PDK1: variants seen among roughly 807,000 people sequenced by gnomAD.
PDK1 encodes the protein pyruvate dehydrogenase kinase 1.
Under a neutral mutation model 54.2 loss-of-function variants are expected in PDK1, and 39 were observed. That is an observed-to-expected ratio of 0.72 (90% CI 0.56 to 0.94). The LOEUF (loss-of-function observed/expected upper bound fraction) is 0.94. Ranked by LOEUF, PDK1 falls within the 40% of genes least tolerant of loss-of-function variation. The pLI is 0.00. For synonymous variants in PDK1, 221 were observed against 207.1 expected (o/e 1.07, Z -0.58); for missense variants, 552 against 566.0 (o/e 0.98, Z 0.25).
intron 2 of PDK1, among the ~76,000 whole-genome samples, chr2:172,559,841 T>A (rs1688560065): frequency 6.6e-6 from 1 of 151,830 alleles, no homozygotes; most frequent in African/African-American, 2.4e-5. Flanking sequence ...GAGCCACCAC[T>A]CCTGGCCTAC....
chr2:172,643,856 C>T, the PDK1 span, among the ~76,000 whole-genome samples: 2 of 152,144 alleles, frequency 1.3e-5, no homozygotes, highest in African/African-American at 4.8e-5. Flanking sequence ...TTTGATTTAA[C>T]AGTTTAATAG....
the PDK1 span, among the ~76,000 whole-genome samples, chr2:172,678,646 T>G: frequency 2.0e-5 from 3 of 152,234 alleles, no homozygotes; most frequent in South Asian, 6.2e-4. Flanking sequence ...GAATACTTAC[T>G]TCCTATACTA....
the PDK1 span, among the ~76,000 whole-genome samples, chr2:172,646,735 C>CTTTTTTTTTTTTTTTT: frequency 7.0e-3 from 507 of 72,002 alleles, 76 homozygotes; most frequent in African/African-American, 0.01. Context: ...CTTGCATTTC[C>CTTTTTTTTTTTTTTTT]TTTTTTTTTT....
chr2:172,568,625 C>A, intron 6 of PDK1, 116 bp from the exon 7 acceptor site: 1 of 672,326 alleles, frequency 1.5e-6, no homozygotes, highest in African/African-American at 1.8e-5. Flanking sequence ...AGTTCTCCCC[C>A]AGGTAATACT....
At chr2:172,633,996 C>A in the PDK1 span, among the ~76,000 whole-genome samples, 1 of 144,564 alleles carries the variant, frequency 6.9e-6, no homozygotes, top group Non-Finnish European at 1.5e-5. Context: ...TTGCTTCAGT[C>A]TCCCAAGTAG....
chr2:172,592,846 C>A, intron 9 of PDK1, 89 bp from the exon 10 acceptor site: 1 of 673,766 alleles, frequency 1.5e-6, no homozygotes. Context: ...CTCTGATAGC[C>A]CCGTGGTACT....
the PDK1 span, among the ~76,000 whole-genome samples, chr2:172,654,381 A>C: frequency 4.6e-5 from 7 of 152,232 alleles, no homozygotes; most frequent in African/African-American, 1.7e-4. Flanking sequence ...AATGTCCATC[A>C]GTGATAGACT....
the PDK1 span, among the ~76,000 whole-genome samples, chr2:172,618,476 T>C: frequency 6.6e-6 from 1 of 152,204 alleles, no homozygotes; most frequent in Non-Finnish European, 1.5e-5. Context: ...ATAATCATCA[T>C]CTGGTAGGAA....
intron 9 of PDK1, among the ~76,000 whole-genome samples, chr2:172,587,632 A>G (rs1172377894): frequency 6.6e-6 from 1 of 151,056 alleles, no homozygotes; most frequent in African/African-American, 2.4e-5. Context: ...TACAGCCTGG[A>G]AGGGTACCAG....
intron 9 of PDK1, 86 bp from the exon 10 acceptor site, chr2:172,592,849 G>T (rs543084854): frequency 1.9e-5 from 13 of 693,416 alleles, no homozygotes; most frequent in Admixed American, 1.4e-4. Flanking sequence ...TGATAGCCCC[G>T]TGGTACTCAA....
chr2:172,626,655 G>A, the PDK1 span, among the ~76,000 whole-genome samples: 145 of 152,116 alleles, frequency 9.5e-4, 1 homozygote, highest in African/African-American at 3.2e-3. Context: ...TTAGCCCAGT[G>A]TGGTAGTGCA....
intron 8 of PDK1, 103 bp from the exon 9 acceptor site, chr2:172,586,175 A>AT: frequency 3.5e-6 from 2 of 570,438 alleles, no homozygotes; most frequent in Non-Finnish European, 6.3e-6. Context: ...AAAAAAAAAA[A>AT]GCGCTCTCCC....
the PDK1 span, among the ~76,000 whole-genome samples, chr2:172,696,111 G>T: frequency 6.8e-6 from 1 of 147,996 alleles, no homozygotes; most frequent in East Asian, 2.0e-4. Flanking sequence ...AGCAGAGGTT[G>T]CAGTGAGCCA....
the PDK1 span, among the ~76,000 whole-genome samples, chr2:172,648,860 G>A: frequency 1.8e-4 from 27 of 152,328 alleles, no homozygotes; most frequent in African/African-American, 4.3e-4. Flanking sequence ...GAAGCCCACC[G>A]CAGCTTAAGG....
intron 3 of PDK1, chr2:172,564,048 C>G (rs547218933): frequency 4.2e-5 from 20 of 471,496 alleles, no homozygotes; most frequent in South Asian, 3.1e-4. Flanking sequence ...TCTTTGAACC[C>G]TAGGGAATAG....
At chr2:172,638,200 G>A in the PDK1 span, among the ~76,000 whole-genome samples, 1 of 152,098 alleles carries the variant, frequency 6.6e-6, no homozygotes, top group Non-Finnish European at 1.5e-5. Flanking sequence ...GTCAGAGATG[G>A]CACTTTTATT....
At chr2:172,571,480 T>C (rs1281552616) in intron 8 of PDK1, among the ~76,000 whole-genome samples, 6 of 152,182 alleles carry the variant, frequency 3.9e-5, no homozygotes, top group African/African-American at 1.4e-4. Context: ...CCTCCTCCCA[T>C]GGCTTCCAGA....
the PDK1 span, among the ~76,000 whole-genome samples, chr2:172,689,860 T>G: frequency 1.3e-5 from 2 of 150,324 alleles, no homozygotes; most frequent in Non-Finnish European, 3.0e-5. Flanking sequence ...CAAGATGGAT[T>G]AAAGACTTAA....
chr2:172,696,172 C>G, the PDK1 span, among the ~76,000 whole-genome samples: 1 of 121,968 alleles, frequency 8.2e-6, no homozygotes, highest in Admixed American at 9.1e-5. Flanking sequence ...AACTCTGTCT[C>G]AAAAAAAAAA....
Sources: allele counts gnomAD v4.1 joint callset (sites outside exome capture counted in the v4.1 genomes callset), GRCh38; gene constraint gnomAD v4.1.1; transcripts MANE v1.5; gene names NCBI Gene and HGNC (gene_info 2026-07-23, HGNC 2026-07-21).